PEX19: variants seen among roughly 807,000 people sequenced by gnomAD.
The protein encoded by PEX19 is 33 kDa housekeeping protein.
A neutral mutation model predicts 36.3 loss-of-function variants in PEX19; 29 were observed. That is an observed-to-expected ratio of 0.80 (90% confidence interval 0.60 to 1.09). The LOEUF is 1.09. PEX19 is among the 50% of genes least tolerant of loss of function. The pLI, the probability that PEX19 is intolerant of heterozygous loss-of-function variation, is 0.00. For missense variants in PEX19, 396 were observed against 368.1 expected, an observed-to-expected ratio of 1.08 and a Z score of -0.62; for synonymous variants, 141 against 135.2, an observed-to-expected ratio of 1.04 and a Z score of -0.30.
At position 160,279,367 on chromosome 1, in the gene PEX19, C is replaced by A. The variant is rs1219019864; in HGVS notation, c.*184G>T. 4.3e-6 allele frequency: 3 copies of A among 700,640 alleles called. No homozygotes were observed. Among genetic ancestry groups the A allele is most frequent in the Non-Finnish European group, 5.2e-6 (2 of 385,228 alleles). 43.4% of individuals were successfully genotyped at this position (700,640 alleles called of 1,614,324 possible). A position where few individuals can be genotyped will look rare whatever the true frequency, so the allele number is the denominator to read the frequency against. On this transcript the variant is annotated 3_prime_UTR_variant, in exon 8 of 8. Transcript: ENST00000368072. Reference sequence around the variant, plus strand: ...GGGTTCACAGAAATGGCCTGTGAAACAGACCCTATTCCTAGAGAGACAGAG... The same window carrying A: ...GGGTTCACAGAAATGGCCTGTGAAAAAGACCCTATTCCTAGAGAGACAGAG...
chr1:160,282,671 C>T (rs756418501), intron 3 of PEX19, among the ~76,000 whole-genome samples, 169 bp from the exon 4 acceptor site: 9 of 152,332 alleles, frequency 5.9e-5, no homozygotes, highest in Middle Eastern at 3.4e-3. Context: ...ATTTAGTACA[C>T]GGACTCTGCA....
intron 3 of PEX19, 121 bp downstream of exon 3, chr1:160,282,823 T>C: frequency 9.4e-7 from 1 of 1,064,376 alleles, no homozygotes; most frequent in South Asian, 1.3e-5. Flanking sequence ...TCATTGCCTT[T>C]ACCCGTTCCT....
rs1399816283 is a variant in PEX19, at chr1:160,285,073, A to G, written c.52T>C (p.Leu18=). ...CSVGAEADRE[L]EELLESALDD... ...CTCTTACTTTCCAGAAGCTCCTCCA[A>G]TTCCCTGTCCGCTTCGGCCCCGACA... Residue 18 remains leucine (L), a synonymous_variant, in exon 1 of 8, where the codon TTG becomes CTG. Coordinates refer to ENST00000368072, the MANE Select transcript of PEX19 (RefSeq NM_002857.4). 1 of 1,613,648 alleles carries G rather than the reference A, an allele frequency of 6.2e-7. No homozygotes were observed. The highest frequency in any genetic ancestry group is 1.7e-5 in the Admixed American group (1 of 60,016).
intron 5 of PEX19, among the ~76,000 whole-genome samples, chr1:160,280,841 T>G (rs1657746275): frequency 6.6e-6 from 1 of 152,168 alleles, no homozygotes; most frequent in African/African-American, 2.4e-5. Context: ...CTTTGTAGTT[T>G]TTTTCAAATG....
chr1:160,276,969 G>GT lies in PEX19; in HGVS notation c.*2581dup. The GT allele has an allele frequency of 4.4e-6, 2 of 454,088 alleles. No homozygotes were observed. The highest frequency in any genetic ancestry group is 8.8e-6 in the Non-Finnish European group (2 of 226,790). The allele number at this position is 454,088 out of a possible 1,614,324, so 28.1% of individuals were successfully genotyped here. Reference sequence around the variant, plus strand: ...CATATACAGCTTAAACCTAAGCTTTGTAACGATTATTTTTGAGCAGCAGAA... The same window carrying GT: ...CATATACAGCTTAAACCTAAGCTTTGTTAACGATTATTTTTGAGCAGCAGAA... On this transcript the variant is annotated 3_prime_UTR_variant, in exon 8 of 8. Coordinates refer to ENST00000368072, the MANE Select transcript of PEX19 (RefSeq NM_002857.4).
intron 3 of PEX19, 70 bp from the exon 4 acceptor site, chr1:160,282,572 G>A (rs1281478546): frequency 7.8e-6 from 9 of 1,160,080 alleles, no homozygotes; most frequent in African/African-American, 1.5e-5. Flanking sequence ...CTGGTTAACA[G>A]CTTGGATATG....
chr1:160,280,251 GA>G lies in PEX19; in HGVS notation c.595-6del. 7 of 1,611,958 alleles carry G rather than the reference GA, an allele frequency of 4.3e-6. No individual in the cohort carries two copies. The highest frequency in any genetic ancestry group is 5.9e-6 in the Non-Finnish European group (7 of 1,178,050). Reference sequence around the variant, plus strand: ...ACTCTGCAACCATTCTGGATACTAAGAAAAGAGAGAATGGGTGGAAAAGAAT... The same window carrying G: ...ACTCTGCAACCATTCTGGATACTAAGAAAGAGAGAATGGGTGGAAAAGAAT... On this transcript the variant is annotated splice_polypyrimidine_tract_variant and splice_region_variant and intron_variant, in intron 5 of 7. Coordinates refer to ENST00000368072, the MANE Select transcript of PEX19 (RefSeq NM_002857.4).
rs1014603525 is a variant in PEX19 at position 160,279,923 on chromosome 1, G to C, written c.772-78C>G. The C allele has an allele frequency of 2.2e-6, 3 of 1,383,076 alleles. No homozygotes were observed. In the African/African-American group the frequency reaches 4.2e-5, roughly 20 times the overall value. 85.7% of individuals were successfully genotyped at this position (1,383,076 alleles called of 1,614,324 possible). On this transcript the variant is annotated intron_variant, in intron 6 of 7. Transcript: ENST00000368072. ...AGAGGATCCAGAAGAGGAATCTAAT[G>C]AATGATCTCTCTATTTCTTCTGAGA...
chr1:160,279,696 AT>A, intron 7 of PEX19, 62 bp from the exon 8 acceptor site: 6 of 1,537,368 alleles, frequency 3.9e-6, no homozygotes, highest in Non-Finnish European at 5.4e-6. Context: ...GTGAAGATCC[AT>A]CCCCAGTAGC....
chr1:160,282,899 T>G lies in PEX19; in HGVS notation c.346+45A>C, dbSNP rs771366152. On this transcript the variant is annotated intron_variant, in intron 3 of 7. Coordinates refer to ENST00000368072, the MANE Select transcript of PEX19 (RefSeq NM_002857.4). The stretch of plus-strand genomic sequence containing the variant: ...TCTGGTGTTTTCAGGCAACAAAGAC[T>G]TAAGAGTCTGTTCAGATATTTCCAT... 10 of 1,597,814 alleles carry G rather than the reference T, an allele frequency of 6.3e-6. No homozygotes were observed. In the South Asian group the frequency reaches 9.9e-5, roughly 16 times the overall value.
At position 160,279,411 on chromosome 1, in the gene PEX19, T is replaced by C. The variant is rs1304677339; in HGVS notation, c.*140A>G. The C allele has an allele frequency of 1.3e-6, 1 of 767,638 alleles. No homozygotes were observed. The highest frequency in any genetic ancestry group is 1.8e-5 in the Admixed American group (1 of 54,870). 47.6% of individuals were successfully genotyped at this position (767,638 alleles called of 1,614,324 possible). A position where few individuals can be genotyped will look rare whatever the true frequency, so the allele number is the denominator to read the frequency against. On this transcript the variant is annotated 3_prime_UTR_variant, in exon 8 of 8. Coordinates refer to ENST00000368072, the MANE Select transcript of PEX19 (RefSeq NM_002857.4). Reference sequence around the variant, plus strand: ...GACAGAGGAAAAACCTCAGCTGGTATGGCACAATCTTGAATGGGATGACAG... The same window carrying C: ...GACAGAGGAAAAACCTCAGCTGGTACGGCACAATCTTGAATGGGATGACAG...
Position 160,279,584 on chromosome 1 carries a change from T to C in PEX19, c.867A>G (p.Pro289=), listed in dbSNP as rs1657686642. The change falls in exon 8 of 8, where the codon CCA becomes CCG. Residue 289 remains proline, a synonymous_variant. Coordinates refer to ENST00000368072, the MANE Select transcript of PEX19 (RefSeq NM_002857.4). ...DLDALNLSGP[P]GASGEQCLIM is the part of the protein sequence containing the mutation. ...TCAGACACTGTTCACCACTGGCACCTGGTGGGCCCGAAAGATTGAGGGCAT... is the reference window on the plus strand; with the variant it reads ...TCAGACACTGTTCACCACTGGCACCCGGTGGGCCCGAAAGATTGAGGGCAT... 2.5e-6 allele frequency: 4 copies of C among 1,614,052 alleles called. No individual in the cohort carries two copies. Among genetic ancestry groups the C allele is most frequent in the South Asian group, 1.1e-5 (1 of 91,090 alleles).
In PEX19 at chr1:160,278,234, A is replaced by C. The variant is rs772577480; in HGVS notation, c.*1317T>G. 2 of 701,338 alleles carry C rather than the reference A, an allele frequency of 2.9e-6. No individual in the cohort carries two copies. Among genetic ancestry groups the C allele is most frequent in the Non-Finnish European group, 5.2e-6 (2 of 384,782 alleles). The allele number at this position is 701,338 out of a possible 1,614,324, so 43.4% of individuals were successfully genotyped here. On this transcript the variant is annotated 3_prime_UTR_variant, in exon 8 of 8. Transcript: ENST00000368072. ...TAGAAAACATAACAATATATTACTA[A>C]CATTAATAACAATAATGTAAAAGGT... is the stretch of plus-strand genomic sequence containing the variant.
At chr1:160,285,138 A>C (rs2301297), upstream of PEX19, 6,557 of 1,610,402 alleles carry the variant, frequency 4.1e-3, 162 homozygotes, top group East Asian at 0.074. Context: ...GCTACCTCCG[A>C]CTTGCCGTAG....
rs1195617696 is a variant in PEX19 at position 160,276,873 on chromosome 1, AT to A, written c.*2677del. ...CATGAAGCCACCCATACAATCACAA[AT>A]TTATCTAACACATTTAATTTTGGAA... On this transcript the variant is annotated 3_prime_UTR_variant, in exon 8 of 8. Coordinates refer to ENST00000368072, the MANE Select transcript of PEX19 (RefSeq NM_002857.4). The A allele has an allele frequency of 7.0e-6, 3 of 427,102 alleles. No individual in the cohort carries two copies. Among genetic ancestry groups the A allele is most frequent in the Admixed American group, 5.2e-5 (2 of 38,322 alleles). 26.5% of individuals were successfully genotyped at this position (427,102 alleles called of 1,614,324 possible).
In PEX19 at chr1:160,277,321, AAC is replaced by A. The variant is rs1265852408; in HGVS notation, c.*2228_*2229del. 1 of 455,984 alleles carries A rather than the reference AAC, an allele frequency of 2.2e-6. No homozygotes were observed. The highest frequency in any genetic ancestry group is 2.0e-5 in the African/African-American group (1 of 50,086). The allele number at this position is 455,984 out of a possible 1,614,324, so 28.2% of individuals were successfully genotyped here. A position where few individuals can be genotyped will look rare whatever the true frequency, so the allele number is the denominator to read the frequency against. On this transcript the variant is annotated 3_prime_UTR_variant, in exon 8 of 8. Coordinates refer to ENST00000368072, the MANE Select transcript of PEX19 (RefSeq NM_002857.4). ...CATGATCAATGGACTTAACCTACAG[AAC>A]AGTCTGGCCAGTTTGGGTGCTGTCA...
At chr1:160,284,252 T>G in intron 1 of PEX19, 2 of 459,664 alleles carry the variant, frequency 4.4e-6, no homozygotes, top group Non-Finnish European at 9.0e-6. Flanking sequence ...ATTTACACAG[T>G]CACTTGGCAC....
chr1:160,279,548 G>T lies in PEX19; in HGVS notation c.*3C>A. 1 of 1,612,366 alleles carries T rather than the reference G, an allele frequency of 6.2e-7. No homozygotes were observed. Among genetic ancestry groups the T allele is most frequent in the Non-Finnish European group, 8.5e-7 (1 of 1,178,336 alleles). On this transcript the variant is annotated 3_prime_UTR_variant, in exon 8 of 8. Transcript: ENST00000368072. ...GGACTCAGAGAGGAAAACGTGTTGT[G>T]TTTCACATGATCAGACACTGTTCAC...
chr1:160,284,730 C>T (rs967177225), intron 1 of PEX19, among the ~76,000 whole-genome samples: 30 of 152,226 alleles, frequency 2.0e-4, no homozygotes, highest in African/African-American at 6.3e-4. Context: ...CCAAATGCTG[C>T]TGCTGCTGCT....
Sources: gnomAD v4.1 joint callset for allele counts (sites outside exome capture counted in the v4.1 genomes callset) on GRCh38, gnomAD v4.1.1 for gene constraint, MANE v1.5 for transcripts, NCBI Gene and HGNC (gene_info 2026-07-23, HGNC 2026-07-21) for gene names.